NRXN1: variants seen among roughly 807,000 people sequenced by gnomAD.
NRXN1 encodes the protein neurexin 1, also known as neurexin-1.
Under a neutral mutation model 150.9 loss-of-function variants are expected in NRXN1, and 39 were observed. The ratio of observed to expected loss-of-function variants is 0.26; its 90% confidence interval spans 0.20 to 0.34. The LOEUF (loss-of-function observed/expected upper bound fraction) is 0.34, where lower values mean the gene tolerates loss of function less well. NRXN1 is among the 10% of genes least tolerant of loss of function. The pLI is 1.00. For synonymous variants in NRXN1, 924 were observed against 757.0 expected, an observed-to-expected ratio of 1.22 and a Z score of -3.62; for missense variants, 1,815 against 1,949.9, an observed-to-expected ratio of 0.93 and a Z score of 1.30.
intron 5 of NRXN1, among the ~76,000 whole-genome samples, chr2:50,909,971 C>A (rs1291164416): frequency 6.6e-6 from 1 of 151,294 alleles, no homozygotes; most frequent in Non-Finnish European, 1.5e-5. Flanking sequence ...AAAATTACGA[C>A]AAAATTATTT....
chr2:50,448,349 C>T (rs753533320), intron 17 of NRXN1, among the ~76,000 whole-genome samples: 2 of 152,080 alleles, frequency 1.3e-5, no homozygotes, highest in Non-Finnish European at 2.9e-5. Context: ...AACGGCAAAA[C>T]CAAACCTGAC....
intron 5 of NRXN1, among the ~76,000 whole-genome samples, chr2:50,795,742 G>C (rs1369801923): frequency 1.3e-5 from 2 of 152,042 alleles, no homozygotes; most frequent in Non-Finnish European, 2.9e-5. Flanking sequence ...TATTAGACTT[G>C]TTTGTACTCC....
At chr2:50,432,006 C>T (rs892396122) in intron 17 of NRXN1, among the ~76,000 whole-genome samples, 3 of 152,184 alleles carry the variant, frequency 2.0e-5, no homozygotes, top group South Asian at 2.1e-4. Flanking sequence ...GCAGGCAATG[C>T]TACTGTACAG....
chr2:49,994,963 A>G (rs940094757), intron 21 of NRXN1, among the ~76,000 whole-genome samples: 2 of 152,230 alleles, frequency 1.3e-5, no homozygotes, highest in Non-Finnish European at 2.9e-5. Context: ...AATATTGACA[A>G]TTTAGGTGTA....
intron 5 of NRXN1, among the ~76,000 whole-genome samples, chr2:50,677,733 G>T (rs1437796810): frequency 2.0e-5 from 3 of 151,990 alleles, no homozygotes; most frequent in African/African-American, 7.3e-5. Context: ...AAGAAGTCCA[G>T]ATATAAAACA....
chr2:50,411,381 T>G (rs969231503), intron 17 of NRXN1, among the ~76,000 whole-genome samples: 2 of 151,968 alleles, frequency 1.3e-5, no homozygotes, highest in African/African-American at 4.8e-5. Flanking sequence ...CGCTACAACC[T>G]CCACCTCCCA....
chr2:50,227,926 T>C lies in NRXN1; in HGVS notation c.3546+8863A>G, dbSNP rs184987924. On this transcript the variant is annotated intron_variant, in intron 18 of 22. Coordinates refer to ENST00000401669, the MANE Select transcript of NRXN1 (RefSeq NM_001330078.2). ...AGTTTGTTGTAAGTTTAAAAGATAC[T>C]CAAACTTTTAAGTATGTTTAGAATA... is the stretch of plus-strand genomic sequence containing the variant. Among the ~76,000 whole-genome samples the C allele has an allele frequency of 2.4e-3, 369 of 152,222 alleles. 2 individuals are homozygous for C. The highest frequency in any genetic ancestry group is 8.6e-3 in the African/African-American group (358 of 41,572).
intron 5 of NRXN1, chr2:50,919,121 T>C (rs1369442034): frequency 6.6e-6 from 1 of 151,758 alleles, no homozygotes; most frequent in Non-Finnish European, 1.5e-5. Flanking sequence ...AACTCGTGTT[T>C]AATTCATTGT....
chr2:50,940,342 G>A (rs1408727356), intron 2 of NRXN1, among the ~76,000 whole-genome samples: 1 of 151,942 alleles, frequency 6.6e-6, no homozygotes, highest in Non-Finnish European at 1.5e-5. Context: ...GGGCATGGTG[G>A]TGCATGCCTG....
intron 18 of NRXN1, among the ~76,000 whole-genome samples, chr2:50,150,942 T>C (rs114320558): frequency 1.2e-3 from 176 of 151,866 alleles, no homozygotes; most frequent in African/African-American, 4.0e-3. Flanking sequence ...GCCAAGTGTC[T>C]ATTCCCATCT....
chr2:50,094,231 G>A (rs572252288), intron 18 of NRXN1, among the ~76,000 whole-genome samples: 33 of 152,276 alleles, frequency 2.2e-4, no homozygotes, highest in African/African-American at 7.5e-4. Context: ...ACAAAATGAA[G>A]CATAAAGTTA....
chr2:50,684,389 G>A (rs1170346763), intron 5 of NRXN1, among the ~76,000 whole-genome samples: 5 of 152,014 alleles, frequency 3.3e-5, no homozygotes, highest in Non-Finnish European at 5.9e-5. Flanking sequence ...TGTAGTCCCA[G>A]CTACTAGGAG....
At chr2:50,256,778 T>C (rs2067737131) in intron 17 of NRXN1, among the ~76,000 whole-genome samples, 1 of 151,614 alleles carries the variant, frequency 6.6e-6, no homozygotes, top group African/African-American at 2.4e-5. Flanking sequence ...AAAAATGATG[T>C]GTGTTTATTC....
At chr2:50,117,374 T>C (rs756974778) in intron 18 of NRXN1, among the ~76,000 whole-genome samples, 9 of 152,070 alleles carry the variant, frequency 5.9e-5, no homozygotes, top group Non-Finnish European at 1.0e-4. Flanking sequence ...ATAAGGAGAA[T>C]GGGTAATAAA....
In NRXN1 at chr2:50,117,075, A is replaced by G. The variant is rs112624440; in HGVS notation, c.3547-25581T>C. 1.5e-3 allele frequency among the ~76,000 whole-genome samples: 231 copies of G among 152,238 alleles called. 4 individuals carry two copies. The highest frequency in any genetic ancestry group is 3.9e-3 in the African/African-American group (162 of 41,556). On this transcript the variant is annotated intron_variant, in intron 18 of 22. Transcript: ENST00000401669. The stretch of plus-strand genomic sequence containing the variant: ...TGTCTATGCATGAAAAGCCTTGGGG[A>G]TAAAGGGAGAAGTAGATATTTTCAG...
At chr2:49,939,552 T>C (rs1292706516) in intron 22 of NRXN1, among the ~76,000 whole-genome samples, 1 of 152,164 alleles carries the variant, frequency 6.6e-6, no homozygotes, top group Non-Finnish European at 1.5e-5. Flanking sequence ...TATAATTGAG[T>C]TCCATGTGTT....
At chr2:49,939,859 A>G (rs764152631) in intron 22 of NRXN1, among the ~76,000 whole-genome samples, 19 of 152,224 alleles carry the variant, frequency 1.2e-4, no homozygotes, top group Non-Finnish European at 2.4e-4. Context: ...CAGTAGGTAT[A>G]TAGTGACACT....
intron 5 of NRXN1, among the ~76,000 whole-genome samples, chr2:50,735,932 G>GCT (rs1698683899): frequency 6.6e-6 from 1 of 152,084 alleles, no homozygotes; most frequent in Non-Finnish European, 1.5e-5. Flanking sequence ...TTTTTAATGG[G>GCT]CTCTCAGACA....
chr2:50,579,673 T>A (rs1671965092), intron 8 of NRXN1, among the ~76,000 whole-genome samples: 1 of 152,076 alleles, frequency 6.6e-6, no homozygotes, highest in Non-Finnish European at 1.5e-5. Context: ...ATATATATAT[T>A]TTGGAGTGTG....
Sources: allele counts gnomAD v4.1 joint callset (sites outside exome capture counted in the v4.1 genomes callset), GRCh38; gene constraint gnomAD v4.1.1; transcripts MANE v1.5; gene names NCBI Gene and HGNC (gene_info 2026-07-23, HGNC 2026-07-21).